Variants in PHF24 observed in about 807,000 individuals in gnomAD.
PHF24 encodes the protein PHD finger protein 24.
PHF24 carries 25 observed loss-of-function variants against 42.6 expected under a neutral mutation model. The ratio of observed to expected loss-of-function variants is 0.59; its 90% CI spans 0.43 to 0.82. The LOEUF (loss-of-function observed/expected upper bound fraction) is 0.82, where lower values mean the gene tolerates loss of function less well. Ranked by LOEUF, PHF24 falls within the 40% of genes least tolerant of loss-of-function variation. PHF24 has a pLI of 0.00. For missense variants in PHF24, 470 were observed against 538.1 expected, an observed-to-expected ratio of 0.87 and a Z score of 1.25; for synonymous variants, 185 against 204.8, an observed-to-expected ratio of 0.90 and a Z score of 0.83.
At chr9:34,814,930 A>G in the PHF24 span, among the ~76,000 whole-genome samples, 1 of 152,182 alleles carries the variant, frequency 6.6e-6, no homozygotes, top group East Asian at 1.9e-4. Context: ...TAGTAGAGAC[A>G]GGGTTTCGCC....
the PHF24 span, chr9:34,691,287 C>A: frequency 1.8e-6 from 1 of 568,186 alleles, no homozygotes; most frequent in Non-Finnish European, 3.1e-6. Context: ...GTGAGCCCTG[C>A]AGCTGACTCC....
the PHF24 span, among the ~76,000 whole-genome samples, chr9:34,736,399 C>T: frequency 1.1e-4 from 17 of 152,160 alleles, no homozygotes; most frequent in African/African-American, 3.9e-4. Flanking sequence ...CTCGACCTCT[C>T]AGCCTCAAGA....
At chr9:34,698,556 C>T in the PHF24 span, among the ~76,000 whole-genome samples, 31 of 152,218 alleles carry the variant, frequency 2.0e-4, no homozygotes, top group African/African-American at 6.5e-4. Context: ...GGAGTGCAAT[C>T]GCGCGATCTC....
the PHF24 span, among the ~76,000 whole-genome samples, chr9:34,815,421 C>T: frequency 1.3e-5 from 2 of 152,194 alleles, no homozygotes; most frequent in African/African-American, 4.8e-5. Flanking sequence ...CTCCTGGGTT[C>T]ACACCATTCT....
the PHF24 span, among the ~76,000 whole-genome samples, chr9:34,701,223 G>A: frequency 6.6e-6 from 1 of 152,092 alleles, no homozygotes; most frequent in African/African-American, 2.4e-5. This position sits in a 1 kb window ranked among gnomAD's most constrained non-coding sequence, Gnocchi z 5.8. Context: ...TCCTGAATGC[G>A]CGCGTACTAG....
At chr9:34,678,983 C>G in the PHF24 span, among the ~76,000 whole-genome samples, 4 of 152,194 alleles carry the variant, frequency 2.6e-5, no homozygotes, top group Admixed American at 2.6e-4. Flanking sequence ...TAAACTAACA[C>G]CTGTCTGGTT....
chr9:34,723,867 G>T, the PHF24 span: 1 of 1,551,712 alleles, frequency 6.4e-7, no homozygotes, highest in East Asian at 2.4e-5. Flanking sequence ...ACTCGTGGAG[G>T]TAGCTGTGGG....
the PHF24 span, among the ~76,000 whole-genome samples, chr9:34,847,961 T>G: frequency 4.6e-5 from 7 of 152,308 alleles, no homozygotes; most frequent in East Asian, 1.3e-3. Context: ...CACTTGATCA[T>G]GGTGGATAAG....
chr9:34,869,083 C>T, the PHF24 span, among the ~76,000 whole-genome samples: 1 of 152,352 alleles, frequency 6.6e-6, no homozygotes, highest in East Asian at 1.9e-4. Context: ...AGGACATAAT[C>T]TCATTCCTTT....
chr9:34,685,621 T>C, the PHF24 span, among the ~76,000 whole-genome samples: 3 of 152,220 alleles, frequency 2.0e-5, no homozygotes, highest in Non-Finnish European at 4.4e-5. Flanking sequence ...CAATCCCAGC[T>C]TTGCCACTCA....
chr9:34,710,231 G>T, the PHF24 span: 1 of 637,088 alleles, frequency 1.6e-6, no homozygotes, highest in Non-Finnish European at 2.7e-6. Context: ...AGCTGGATTT[G>T]CTGGCACCCA....
At chr9:34,729,457 C>A in the PHF24 span, 3 of 1,531,494 alleles carry the variant, frequency 2.0e-6, no homozygotes, top group Admixed American at 6.1e-5. Context: ...TGAGATCAAC[C>A]ATCCCTCTAT....
At chr9:34,772,884 A>G in the PHF24 span, among the ~76,000 whole-genome samples, 2 of 152,200 alleles carry the variant, frequency 1.3e-5, no homozygotes, top group East Asian at 3.8e-4. Context: ...AAATATGTGT[A>G]TATATACCGG....
the PHF24 span, among the ~76,000 whole-genome samples, chr9:34,824,262 G>C: frequency 7.9e-5 from 12 of 152,228 alleles, no homozygotes; most frequent in South Asian, 1.9e-3. Flanking sequence ...CTGTTCCTGG[G>C]TTCCCAGGTG....
chr9:34,889,394 G>A, the PHF24 span: 7 of 398,608 alleles, frequency 1.8e-5, no homozygotes, highest in East Asian at 2.1e-4. Context: ...AGAAGATCAG[G>A]CCTTCCTCCT....
At chr9:34,874,138 CA>C in the PHF24 span, among the ~76,000 whole-genome samples, 1 of 152,126 alleles carries the variant, frequency 6.6e-6, no homozygotes, top group East Asian at 1.9e-4. Context: ...ATGTCATCTG[CA>C]AACAGGGACA....
chr9:34,835,948 G>A, the PHF24 span: 19 of 731,278 alleles, frequency 2.6e-5, no homozygotes, highest in South Asian at 1.2e-4. Context: ...ATTCTCATCC[G>A]CCAGCAACTG....
At chr9:34,674,933 CTCGGCT>C in the PHF24 span, among the ~76,000 whole-genome samples, 1 of 152,156 alleles carries the variant, frequency 6.6e-6, no homozygotes, top group African/African-American at 2.4e-5. Context: ...GTGGCGTGAT[CTCGGCT>C]CACTGTAACC....
At chr9:34,971,775 A>G in intron 2 of PHF24, 99 bp downstream of exon 2, 1 of 1,381,734 alleles carries the variant, frequency 7.2e-7, no homozygotes, top group Non-Finnish European at 9.7e-7. Context: ...AACCGGAAAA[A>G]TGGAGCTGAG....
Sources: gnomAD v4.1 joint callset for allele counts (sites outside exome capture counted in the v4.1 genomes callset) on GRCh38, gnomAD v4.1.1 for gene constraint, Gnocchi (gnomAD v3.1) non-coding constraint, MANE v1.5 for transcripts, NCBI Gene and HGNC (gene_info 2026-07-23, HGNC 2026-07-21) for gene names.